RB1: variants seen among roughly 807,000 people sequenced by gnomAD.
RB1 encodes the protein RB transcriptional corepressor 1.
In RB1, 18 loss-of-function variants were observed where a neutral mutation model predicts 135.4. That is an observed-to-expected ratio of 0.13 (90% CI 0.09 to 0.20). The LOEUF (loss-of-function observed/expected upper bound fraction) is 0.20. Among genes scored for constraint, RB1 ranks in the 10% least tolerant of loss-of-function variants. RB1 has a pLI of 1.00. For missense variants in RB1, 868 were observed against 1,110.0 expected, an observed-to-expected ratio of 0.78 and a Z score of 3.10; for synonymous variants, 365 against 373.2, an observed-to-expected ratio of 0.98 and a Z score of 0.25.
chr13:48,410,058 CTTAA>C (rs757945891), intron 17 of RB1, among the ~76,000 whole-genome samples: 16 of 151,960 alleles, frequency 1.1e-4, no homozygotes, highest in Non-Finnish European at 1.8e-4. Context: ...GAACTGTGTC[CTTAA>C]TTAATCATTT....
chr13:48,444,228 T>G (rs755402271), intron 17 of RB1, among the ~76,000 whole-genome samples: 3 of 151,926 alleles, frequency 2.0e-5, no homozygotes, highest in Non-Finnish European at 4.4e-5. Flanking sequence ...CTCACAAAAC[T>G]CAAGGATACT....
chr13:48,324,937 AATTT>A (rs1044774296), intron 2 of RB1, among the ~76,000 whole-genome samples: 3 of 150,972 alleles, frequency 2.0e-5, no homozygotes, highest in South Asian at 2.1e-4. Context: ...ATGCATCAAC[AATTT>A]ATTTATTCTC....
intron 4 of RB1, 138 bp from the exon 5 acceptor site, chr13:48,347,687 A>C: frequency 1.7e-6 from 1 of 602,624 alleles, no homozygotes; most frequent in Admixed American, 3.0e-5. Flanking sequence ...ATCTACTTGA[A>C]CTTTGTTTTA....
intron 17 of RB1, among the ~76,000 whole-genome samples, chr13:48,383,227 A>G (rs2138148253): frequency 6.6e-6 from 1 of 152,182 alleles, no homozygotes; most frequent in Admixed American, 6.5e-5. Context: ...AAAAATGTAT[A>G]CTATTGTTCA....
At chr13:48,304,979 A>G (rs557347853) in intron 1 of RB1, among the ~76,000 whole-genome samples, 1 of 152,314 alleles carries the variant, frequency 6.6e-6, no homozygotes, top group South Asian at 2.1e-4. Context: ...GCAAGTCCAT[A>G]CGAATGCACT....
rs1952049417 is a variant in RB1 at position 48,303,778 on chromosome 13, G to A, written c.-135G>A. 1.5e-6 allele frequency: 2 copies of A among 1,354,012 alleles called. No individual in the cohort carries two copies. Among genetic ancestry groups the A allele is most frequent in the Non-Finnish European group, 2.0e-6 (2 of 1,023,036 alleles). 83.9% of individuals were successfully genotyped at this position (1,354,012 alleles called of 1,614,324 possible). On this transcript the variant is annotated 5_prime_UTR_variant, in exon 1 of 27. Coordinates refer to ENST00000267163, the MANE Select transcript of RB1 (RefSeq NM_000321.3). Reference sequence around the variant, plus strand: ...TTGCCGGGCGGGGGAGGGCGCGTCCGGTTTTTCTCAGGGGACGTTGAAATT... The same window carrying A: ...TTGCCGGGCGGGGGAGGGCGCGTCCAGTTTTTCTCAGGGGACGTTGAAATT...
chr13:48,375,417 G>A (rs1191046973), intron 12 of RB1, among the ~76,000 whole-genome samples: 1 of 149,682 alleles, frequency 6.7e-6, no homozygotes, highest in East Asian at 1.9e-4. Flanking sequence ...GGACATTTTG[G>A]CAACAATTCT....
chr13:48,316,674 A>G (rs951856904), intron 2 of RB1, among the ~76,000 whole-genome samples: 1 of 151,112 alleles, frequency 6.6e-6, no homozygotes, highest in Non-Finnish European at 1.5e-5. Context: ...ATACAGGGCT[A>G]TGTATAACCG....
chr13:48,461,361 A>G (rs1165923344), intron 20 of RB1, among the ~76,000 whole-genome samples: 1 of 152,200 alleles, frequency 6.6e-6, no homozygotes, highest in Non-Finnish European at 1.5e-5. Flanking sequence ...TTTCATTGCC[A>G]GACAATATTC....
chr13:48,437,784 A>G (rs1949199373), intron 17 of RB1, among the ~76,000 whole-genome samples: 1 of 152,218 alleles, frequency 6.6e-6, no homozygotes, highest in Non-Finnish European at 1.5e-5. Flanking sequence ...GTGACATGCC[A>G]TCACTTCTGC....
At chr13:48,447,472 G>A (rs1352919665) in intron 17 of RB1, among the ~76,000 whole-genome samples, 1 of 152,128 alleles carries the variant, frequency 6.6e-6, no homozygotes, top group Non-Finnish European at 1.5e-5. Flanking sequence ...AGGAAATAGA[G>A]TGTTCTTTGT....
chr13:48,362,781 A>T (rs756604354), intron 7 of RB1, 34 bp from the exon 8 acceptor site: 1 of 1,594,538 alleles, frequency 6.3e-7, no homozygotes, highest in Non-Finnish European at 8.6e-7. Flanking sequence ...TGATGGATGT[A>T]CAATTGTTCT....
intron 2 of RB1, chr13:48,317,977 T>C: frequency 2.2e-6 from 1 of 463,748 alleles, no homozygotes; most frequent in Non-Finnish European, 4.1e-6. Context: ...TAATCTACAG[T>C]TCGATGCTCT....
At chr13:48,416,519 A>G (rs966053172) in intron 17 of RB1, 1 of 152,970 alleles carries the variant, frequency 6.5e-6, no homozygotes, top group African/African-American at 2.4e-5. Context: ...TTGGGCAGAC[A>G]CCGAGCTAGC....
Position 48,480,214 on chromosome 13 carries a change from CA to C in RB1, c.*145del. 3 of 716,994 alleles carry C rather than the reference CA, an allele frequency of 4.2e-6. No individual in the cohort carries two copies. The highest frequency in any genetic ancestry group is 7.5e-6 in the Non-Finnish European group (3 of 400,508). The allele number at this position is 716,994 out of a possible 1,614,324, so 44.4% of individuals were successfully genotyped here. A position where few individuals can be genotyped will look rare whatever the true frequency, so the allele number is the denominator to read the frequency against. On this transcript the variant is annotated 3_prime_UTR_variant, in exon 27 of 27. Coordinates refer to ENST00000267163, the MANE Select transcript of RB1 (RefSeq NM_000321.3). Reference sequence around the variant, plus strand: ...TTTGTGGATATAAAATGTGCAGATGCAATTGTTTGGGTGATTCCTAAGCCAC... The same window carrying C: ...TTTGTGGATATAAAATGTGCAGATGCATTGTTTGGGTGATTCCTAAGCCAC...
chr13:48,371,740 A>G (rs562777931), intron 11 of RB1, among the ~76,000 whole-genome samples: 11 of 152,202 alleles, frequency 7.2e-5, no homozygotes, highest in Non-Finnish European at 1.6e-4. Context: ...CTGAAGCCTA[A>G]AGGATGCTAG....
At chr13:48,392,772 T>A (rs1566203387) in intron 17 of RB1, among the ~76,000 whole-genome samples, 1 of 151,744 alleles carries the variant, frequency 6.6e-6, no homozygotes, top group African/African-American at 2.4e-5. Flanking sequence ...CTCTCTTTTT[T>A]TTAAGAGTCG....
chr13:48,338,069 C>T (rs1309912261), intron 2 of RB1, among the ~76,000 whole-genome samples: 1 of 152,198 alleles, frequency 6.6e-6, no homozygotes, highest in African/African-American at 2.4e-5. Context: ...TGATGGGCTT[C>T]GCTTTGTGGG....
chr13:48,352,708 C>G (rs1244783373), intron 6 of RB1, among the ~76,000 whole-genome samples: 3 of 152,000 alleles, frequency 2.0e-5, no homozygotes, highest in Non-Finnish European at 1.5e-5. Flanking sequence ...ATTTTGTATC[C>G]TGAAACTTTG....
Sources: allele counts gnomAD v4.1 joint callset (sites outside exome capture counted in the v4.1 genomes callset), GRCh38; gene constraint gnomAD v4.1.1; transcripts MANE v1.5; gene names NCBI Gene and HGNC (gene_info 2026-07-23, HGNC 2026-07-21).